The following LMBR1 variants were observed in gnomAD, a reference collection of about 807,000 sequenced individuals.
LMBR1 encodes limb development membrane protein 1, also known as limb region 1 protein homolog.
LMBR1 carries 52 observed loss-of-function variants against 73.9 expected under a neutral mutation model. That is an observed-to-expected ratio of 0.70 (90% CI 0.56 to 0.89). The LOEUF (loss-of-function observed/expected upper bound fraction) is 0.89, where lower values mean the gene tolerates loss of function less well. LMBR1 is among the 40% of genes least tolerant of loss of function. LMBR1 has a pLI of 0.00. For missense variants in LMBR1, 539 were observed against 579.8 expected, an observed-to-expected ratio of 0.93 and a Z score of 0.72; for synonymous variants, 215 against 209.4, an observed-to-expected ratio of 1.03 and a Z score of -0.23.
At chr7:156,811,156 T>C (rs1240245232) in intron 4 of LMBR1, among the ~76,000 whole-genome samples, 2 of 152,174 alleles carry the variant, frequency 1.3e-5, no homozygotes, top group Non-Finnish European at 2.9e-5. Flanking sequence ...AATTCATTAA[T>C]CTCTTCTGCA....
chr7:156,763,896 G>T (rs1414171078), intron 5 of LMBR1, 101 bp from the exon 6 acceptor site: 1 of 881,600 alleles, frequency 1.1e-6, no homozygotes, highest in Non-Finnish European at 1.6e-6. Context: ...CTTGGAAGGA[G>T]AGGAAATTTA....
rs761006479 is a variant in LMBR1 at position 156,724,092 on chromosome 7, A to G, written c.1225+20T>C. ...TTAAAAACATGGATCTTTAAGTGAA[A>G]ATTTCTCACTGAAACTTACCCAGTG... On this transcript the variant is annotated intron_variant, in intron 15 of 16. Coordinates refer to ENST00000353442, the MANE Select transcript of LMBR1 (RefSeq NM_022458.4). The G allele has an allele frequency of 1.4e-5, 23 of 1,594,012 alleles. No individual in the cohort carries two copies. The African/African-American group carries it at 2.6e-4, about 18-fold the overall frequency.
chr7:156,718,404 A>C (rs973314371), intron 15 of LMBR1, among the ~76,000 whole-genome samples: 4 of 148,524 alleles, frequency 2.7e-5, no homozygotes, highest in African/African-American at 1.0e-4. Context: ...CATCTCAAAA[A>C]AAAAAAGAAG....
intron 10 of LMBR1, among the ~76,000 whole-genome samples, chr7:156,733,407 AGAGG>A (rs1480681475): frequency 6.6e-6 from 1 of 152,192 alleles, no homozygotes; most frequent in Non-Finnish European, 1.5e-5. Flanking sequence ...ATTTTCACAA[AGAGG>A]GAGGACACAG....
intron 1 of LMBR1, among the ~76,000 whole-genome samples, chr7:156,857,258 T>C (rs1797102127): frequency 6.6e-6 from 1 of 152,144 alleles, no homozygotes; most frequent in African/African-American, 2.4e-5. Flanking sequence ...TATAAAAAAG[T>C]ATTTTAAGAC....
At chr7:156,750,297 C>CGTGTGTGT (rs60663497) in intron 9 of LMBR1, among the ~76,000 whole-genome samples, 1 of 150,086 alleles carries the variant, frequency 6.7e-6, no homozygotes, top group Admixed American at 6.6e-5. Context: ...TGTGTGTGTA[C>CGTGTGTGT]GTGTGTGTGT....
At position 156,681,258 on chromosome 7, in the gene LMBR1, C is replaced by T. The variant is rs550075183; in HGVS notation, c.*2820G>A. 2.6e-3 allele frequency: 1,104 copies of T among 425,896 alleles called. 20 individuals are homozygous for T. The highest frequency in any genetic ancestry group is 0.018 in the South Asian group (1,077 of 59,422). 26.4% of individuals were successfully genotyped at this position (425,896 alleles called of 1,614,324 possible). A position where few individuals can be genotyped will look rare whatever the true frequency, so the allele number is the denominator to read the frequency against. On this transcript the variant is annotated 3_prime_UTR_variant, in exon 17 of 17. Coordinates refer to ENST00000353442, the MANE Select transcript of LMBR1 (RefSeq NM_022458.4). ...CCAGCAGATGGGGAGGCCGCACTGC[C>T]GCTGAGAGCAGGTACACGTGCGCCT...
chr7:156,821,471 T>TG (rs1834789984), intron 4 of LMBR1, among the ~76,000 whole-genome samples: 1 of 152,254 alleles, frequency 6.6e-6, no homozygotes, highest in African/African-American at 2.4e-5. Context: ...GGCAGATCTA[T>TG]GGGCTGTACA....
At chr7:156,711,541 C>A (rs982059648) in intron 15 of LMBR1, among the ~76,000 whole-genome samples, 6 of 151,944 alleles carry the variant, frequency 3.9e-5, no homozygotes, top group Non-Finnish European at 8.8e-5. Context: ...GCATGAATAG[C>A]CAAAGCAATC....
intron 5 of LMBR1, among the ~76,000 whole-genome samples, chr7:156,788,156 C>G (rs942877053): frequency 6.6e-6 from 1 of 152,050 alleles, no homozygotes; most frequent in Non-Finnish European, 1.5e-5. Flanking sequence ...TTCATAAGGC[C>G]GGGTACAGTA....
At chr7:156,763,583 T>G in intron 6 of LMBR1, 86 bp downstream of exon 6, 1 of 1,181,426 alleles carries the variant, frequency 8.5e-7, no homozygotes, top group Non-Finnish European at 1.2e-6. Flanking sequence ...ACACAAAGAT[T>G]TAAATGTTTT....
At chr7:156,783,996 CTGTTT>C (rs1281525200) in intron 5 of LMBR1, among the ~76,000 whole-genome samples, 1 of 135,654 alleles carries the variant, frequency 7.4e-6, no homozygotes, top group Non-Finnish European at 1.6e-5. Flanking sequence ...GGGTTTTTTT[CTGTTT>C]TTTTTTTTTT....
chr7:156,777,162 C>T (rs1585723538), intron 5 of LMBR1, among the ~76,000 whole-genome samples: 2 of 152,280 alleles, frequency 1.3e-5, no homozygotes, highest in East Asian at 3.9e-4. Context: ...GTCTCGATCT[C>T]CTGACCTCAT....
chr7:156,778,152 T>C (rs530499718), intron 5 of LMBR1, among the ~76,000 whole-genome samples: 12 of 152,344 alleles, frequency 7.9e-5, no homozygotes, highest in Non-Finnish European at 1.6e-4. Flanking sequence ...GTCAATCATA[T>C]AAATTGTTCA....
chr7:156,697,355 C>T (rs772252593), intron 15 of LMBR1, among the ~76,000 whole-genome samples: 27 of 152,176 alleles, frequency 1.8e-4, no homozygotes, highest in Non-Finnish European at 2.2e-4. Context: ...TCTTGATAAA[C>T]ATCTTAAACA....
Position 156,768,019 on chromosome 7 carries a change from G to A in LMBR1, c.424-4224C>T, listed in dbSNP as rs575154670. Among the ~76,000 whole-genome samples the A allele has an allele frequency of 2.2e-4, 33 of 152,248 alleles. 1 individual carries two copies. Among genetic ancestry groups the A allele is most frequent in the Middle Eastern group, 6.8e-3 (2 of 294 alleles). On this transcript the variant is annotated intron_variant, in intron 5 of 16. Transcript: ENST00000353442. ...AATTTACTATCCACTATATTATTAT[G>A]TTCTATTTCTTTAGATTAACTGGTG...
intron 4 of LMBR1, among the ~76,000 whole-genome samples, chr7:156,812,372 C>G (rs999972677): frequency 6.6e-6 from 1 of 151,872 alleles, no homozygotes; most frequent in East Asian, 1.9e-4. Context: ...AACACAAGAG[C>G]GCAGAGGACT....
downstream of LMBR1, chr7:156,677,072 G>C (rs1157381658): frequency 1.3e-5 from 2 of 158,884 alleles, no homozygotes; most frequent in Non-Finnish European, 2.8e-5. Flanking sequence ...AATAATTGCT[G>C]TATTTCTGTG....
Position 156,872,827 on chromosome 7 carries a change from A to G in LMBR1, c.66+20101T>C, listed in dbSNP as rs1026626849. ...GACAGAGTAGTGTGTGGAGACTCACATCGTGAACCTTTGCTCCGGAACTAC... is the reference window on the plus strand; with the variant it reads ...GACAGAGTAGTGTGTGGAGACTCACGTCGTGAACCTTTGCTCCGGAACTAC... On this transcript the variant is annotated intron_variant, in intron 1 of 16. Transcript: ENST00000353442. Among the ~76,000 whole-genome samples, 5 of 152,316 alleles carry G rather than the reference A, an allele frequency of 3.3e-5. No individual in the cohort carries two copies. In the East Asian group the frequency reaches 5.8e-4, roughly 18 times the overall value.
Sources: allele counts gnomAD v4.1 joint callset (sites outside exome capture counted in the v4.1 genomes callset), GRCh38; gene constraint gnomAD v4.1.1; transcripts MANE v1.5; gene names NCBI Gene and HGNC (gene_info 2026-07-23, HGNC 2026-07-21).